Variants in FBXW7 observed in about 807,000 individuals in gnomAD.
FBXW7 encodes the protein F-box and WD repeat domain containing 7.
Under a neutral mutation model 86.3 loss-of-function variants are expected in FBXW7, and 11 were observed. That is an observed-to-expected ratio of 0.13 (90% CI 0.08 to 0.21). The LOEUF is 0.21. FBXW7 is among the 10% of genes least tolerant of loss of function. FBXW7 has a pLI of 1.00. For missense variants in FBXW7, 488 were observed against 847.4 expected (o/e 0.58, Z 5.27); for synonymous variants, 313 against 297.9 (o/e 1.05, Z -0.52).
At chr4:152,527,909 T>TATAC (rs1749676207) in intron 2 of FBXW7, among the ~76,000 whole-genome samples, 2 of 149,230 alleles carry the variant, frequency 1.3e-5, no homozygotes, top group Admixed American at 6.6e-5. Flanking sequence ...CACATATATA[T>TATAC]ACACACACAC....
At chr4:152,523,770 T>C (rs1185169110) in intron 2 of FBXW7, among the ~76,000 whole-genome samples, 2 of 152,214 alleles carry the variant, frequency 1.3e-5, no homozygotes, top group Non-Finnish European at 2.9e-5. Flanking sequence ...AATGAAAGCT[T>C]AGACAAAGTC....
intron 7 of FBXW7, among the ~76,000 whole-genome samples, chr4:152,335,319 T>C (rs1729963338): frequency 6.9e-6 from 1 of 145,210 alleles, no homozygotes; most frequent in South Asian, 2.2e-4. Context: ...CGCAAAAAAA[T>C]TACCCAAGTG....
intron 2 of FBXW7, among the ~76,000 whole-genome samples, chr4:152,498,585 G>C (rs1374324836): frequency 6.6e-6 from 1 of 152,188 alleles, no homozygotes; most frequent in Non-Finnish European, 1.5e-5. Flanking sequence ...AAGAGGCATA[G>C]TACTAGTTTT....
At chr4:152,454,264 T>C (rs1352854358) in intron 2 of FBXW7, among the ~76,000 whole-genome samples, 36 of 118,312 alleles carry the variant, frequency 3.0e-4, no homozygotes, top group African/African-American at 1.1e-3. Context: ...CCCCCCCCCT[T>C]TTTTTTTTTT....
At chr4:152,381,807 G>A (rs188392127) in intron 4 of FBXW7, among the ~76,000 whole-genome samples, 22 of 152,160 alleles carry the variant, frequency 1.4e-4, no homozygotes, top group Admixed American at 5.2e-4. Context: ...ACTTTTTAAC[G>A]AATGAAATGC....
intron 2 of FBXW7, among the ~76,000 whole-genome samples, chr4:152,442,612 C>T (rs554267968): frequency 6.6e-6 from 1 of 152,254 alleles, no homozygotes; most frequent in South Asian, 2.1e-4. Flanking sequence ...CGTTAAATGC[C>T]AGTACACATG....
intron 2 of FBXW7, among the ~76,000 whole-genome samples, chr4:152,432,125 G>A (rs1040195580): frequency 4.6e-5 from 7 of 152,006 alleles, no homozygotes; most frequent in African/African-American, 1.5e-4. Context: ...CATATTCTTC[G>A]GTCACAATTC....
chr4:152,341,256 C>T (rs1730712417), intron 6 of FBXW7, among the ~76,000 whole-genome samples: 1 of 152,190 alleles, frequency 6.6e-6, no homozygotes, highest in African/African-American at 2.4e-5. Context: ...TTTCCCATTA[C>T]TTTCCCTTTT....
chr4:152,324,102 T>C, intron 13 of FBXW7, 82 bp downstream of exon 13: 5 of 1,117,374 alleles, frequency 4.5e-6, no homozygotes, highest in Non-Finnish European at 6.6e-6. Flanking sequence ...GGTTGACTCT[T>C]TTTGTGATGC....
At chr4:152,442,916 A>AATGAGCTAATATGTATTAATT (rs2126989636) in intron 2 of FBXW7, among the ~76,000 whole-genome samples, 1 of 152,368 alleles carries the variant, frequency 6.6e-6, no homozygotes, top group African/African-American at 2.4e-5. Context: ...CGCTAAAACA[A>AATGAGCTAATATGTATTAATT]AGCTCATATC....
intron 2 of FBXW7, among the ~76,000 whole-genome samples, chr4:152,493,608 A>G (rs1290260151): frequency 6.6e-6 from 1 of 152,180 alleles, no homozygotes; most frequent in African/African-American, 2.4e-5. Flanking sequence ...AGAGGTGAGT[A>G]AATTCATCTT....
chr4:152,422,250 C>T (rs1229067044), intron 2 of FBXW7, among the ~76,000 whole-genome samples: 1 of 152,198 alleles, frequency 6.6e-6, no homozygotes, highest in East Asian at 1.9e-4. Context: ...ACCAGTTGCA[C>T]ACTGGTAGTG....
intron 2 of FBXW7, among the ~76,000 whole-genome samples, chr4:152,497,867 A>G (rs998203609): frequency 6.6e-6 from 1 of 152,220 alleles, no homozygotes; most frequent in Non-Finnish European, 1.5e-5. Context: ...AAAACTTAGC[A>G]TTATTCAACC....
chr4:152,423,814 G>A (rs893521884), intron 2 of FBXW7, among the ~76,000 whole-genome samples: 1 of 152,072 alleles, frequency 6.6e-6, no homozygotes, highest in Non-Finnish European at 1.5e-5. Context: ...TGGTGGTTAT[G>A]TTTGTGTTTG....
chr4:152,424,618 C>G (rs1045928150), intron 2 of FBXW7, among the ~76,000 whole-genome samples: 3 of 152,180 alleles, frequency 2.0e-5, no homozygotes, highest in African/African-American at 4.8e-5. Flanking sequence ...GAATGGAGAA[C>G]GAAACCTGCT....
chr4:152,452,431 G>T lies in FBXW7; in HGVS notation c.-119-39902C>A, dbSNP rs1050722729. ...TTAGAAAAATACTCACTTTAGAATA[G>T]CAAGTATAAAATGCTTCTGAATTTT... On this transcript the variant is annotated intron_variant, in intron 2 of 13. Transcript: ENST00000281708. 8.1e-4 allele frequency among the ~76,000 whole-genome samples: 124 copies of T among 152,250 alleles called. 2 individuals are homozygous for T. Among genetic ancestry groups the T allele is most frequent in the Non-Finnish European group, 2.5e-4 (17 of 68,004 alleles).
chr4:152,471,864 C>A (rs1743997946), intron 2 of FBXW7, among the ~76,000 whole-genome samples: 1 of 152,030 alleles, frequency 6.6e-6, no homozygotes, highest in Non-Finnish European at 1.5e-5. Context: ...AAGGCCACTG[C>A]ACTCCAGCCT....
chr4:152,504,825 T>A (rs982432555), intron 2 of FBXW7, among the ~76,000 whole-genome samples: 8 of 152,226 alleles, frequency 5.3e-5, no homozygotes, highest in African/African-American at 9.6e-5. Context: ...CAATTTTTTT[T>A]ATAAATTATG....
At chr4:152,407,650 T>C (rs537511402) in intron 4 of FBXW7, among the ~76,000 whole-genome samples, 44 of 152,194 alleles carry the variant, frequency 2.9e-4, no homozygotes, top group Non-Finnish European at 5.6e-4. Flanking sequence ...GATTCCTCTA[T>C]TGTTCAGAAT....
Sources: allele counts gnomAD v4.1 joint callset (sites outside exome capture counted in the v4.1 genomes callset), GRCh38; gene constraint gnomAD v4.1.1; transcripts MANE v1.5; gene names NCBI Gene and HGNC (gene_info 2026-07-23, HGNC 2026-07-21).